Variants in CADM1 observed in about 807,000 individuals in gnomAD.
The protein encoded by CADM1 is TSLC-1.
In CADM1, 15 loss-of-function variants were observed where a neutral mutation model predicts 53.1. The ratio of observed to expected loss-of-function variants is 0.28; its 90% CI spans 0.19 to 0.44. The LOEUF is 0.44. Ranked by LOEUF, CADM1 falls within the 20% of genes least tolerant of loss-of-function variation. CADM1 has a pLI of 1.00. For synonymous variants in CADM1, 281 were observed against 243.0 expected (o/e 1.16, Z -1.45); for missense variants, 434 against 611.3 (o/e 0.71, Z 3.06).
intron 1 of CADM1, among the ~76,000 whole-genome samples, chr11:115,488,701 GCTAGAT>G (rs1949431050): frequency 6.6e-6 from 1 of 152,168 alleles, no homozygotes; most frequent in Non-Finnish European, 1.5e-5. Flanking sequence ...TCTGTTTAAA[GCTAGAT>G]CAGTTGTAGG....
At chr11:115,298,182 A>G (rs1433418137) in intron 1 of CADM1, among the ~76,000 whole-genome samples, 1 of 152,218 alleles carries the variant, frequency 6.6e-6, no homozygotes, top group Non-Finnish European at 1.5e-5. Flanking sequence ...ACCCTTCTGT[A>G]TTGGGCATGC....
intron 1 of CADM1, among the ~76,000 whole-genome samples, chr11:115,490,392 A>ATTTTTTTTTTTTTTTTTTT (rs35633504): frequency 1.8e-5 from 2 of 109,330 alleles, no homozygotes; most frequent in Non-Finnish European, 3.6e-5. Flanking sequence ...GGAAGAACAG[A>ATTTTTTTTTTTTTTTTTTT]TTTTTTTTTT....
At chr11:115,363,239 A>G (rs984198283) in intron 1 of CADM1, among the ~76,000 whole-genome samples, 4 of 152,158 alleles carry the variant, frequency 2.6e-5, no homozygotes, top group African/African-American at 7.2e-5. Context: ...CAAGCATTCA[A>G]GCACCAGTGA....
chr11:115,385,943 C>T (rs1946689704), intron 1 of CADM1, among the ~76,000 whole-genome samples: 2 of 152,212 alleles, frequency 1.3e-5, no homozygotes, highest in Admixed American at 1.3e-4. Context: ...TATTTCTTCC[C>T]TGCATTGGGA....
rs1483687860 is a variant in CADM1, at chr11:115,351,843, T to C, written c.125-111423A>G. 2.0e-5 allele frequency among the ~76,000 whole-genome samples: 3 copies of C among 152,130 alleles called. No homozygotes were observed. In the East Asian group the frequency reaches 5.8e-4, roughly 29 times the overall value. ...TCTTCCTGCACTGCTCCCAAGAAAG[T>C]AGTGAATGAAGTAGGCAAGACAAAG... On this transcript the variant is annotated intron_variant, in intron 1 of 11. Transcript: ENST00000331581.
intron 8 of CADM1, among the ~76,000 whole-genome samples, chr11:115,205,279 G>T (rs1431382492): frequency 6.6e-6 from 1 of 152,108 alleles, no homozygotes; most frequent in African/African-American, 2.4e-5. Flanking sequence ...CGCTAACTAG[G>T]AAGGGAAACA....
chr11:115,260,294 T>G lies in CADM1; in HGVS notation c.125-19874A>C, dbSNP rs77468229. On this transcript the variant is annotated intron_variant, in intron 1 of 11. Transcript: ENST00000331581. ...TTAGTCCCAGGACAGTCTCTAATGA[T>G]CCAATGTGCAGAGAGTAAGACAGGT... Among the ~76,000 whole-genome samples, 645 of 152,334 alleles carry G rather than the reference T, an allele frequency of 4.2e-3. 5 individuals carry two copies. Among genetic ancestry groups the G allele is most frequent in the African/African-American group, 0.014 (570 of 41,574 alleles).
intron 1 of CADM1, among the ~76,000 whole-genome samples, chr11:115,361,779 T>A (rs1591746913): frequency 6.6e-6 from 1 of 152,096 alleles, no homozygotes; most frequent in South Asian, 2.1e-4. Context: ...TAGGCTGGAG[T>A]GCAGTGGCAC....
At chr11:115,253,629 G>A (rs1219956229) in intron 1 of CADM1, among the ~76,000 whole-genome samples, 2 of 152,200 alleles carry the variant, frequency 1.3e-5, no homozygotes, top group Non-Finnish European at 2.9e-5. Flanking sequence ...ATGACTGACA[G>A]TAGTTACTGA....
At chr11:115,476,591 T>C (rs1949136906) in intron 1 of CADM1, among the ~76,000 whole-genome samples, 1 of 152,134 alleles carries the variant, frequency 6.6e-6, no homozygotes, top group Non-Finnish European at 1.5e-5. Flanking sequence ...GATCCTAGAA[T>C]TAAACATTCT....
chr11:115,187,522 C>T (rs972636321), intron 10 of CADM1, among the ~76,000 whole-genome samples: 4 of 152,160 alleles, frequency 2.6e-5, no homozygotes, highest in Non-Finnish European at 5.9e-5. Flanking sequence ...TCCACCTCCT[C>T]GTTCAAGCAA....
At chr11:115,295,520 A>G (rs1435730614) in intron 1 of CADM1, among the ~76,000 whole-genome samples, 50 of 71,034 alleles carry the variant, frequency 7.0e-4, no homozygotes, top group Non-Finnish European at 8.5e-4. Context: ...ATATATATAT[A>G]TATATATATA....
intron 3 of CADM1, 30 bp from the exon 4 acceptor site, chr11:115,231,520 C>T: frequency 6.2e-7 from 1 of 1,607,654 alleles, no homozygotes; most frequent in Non-Finnish European, 8.5e-7. Context: ...GCTTTATAAA[C>T]ACAGAATGCA....
intron 1 of CADM1, among the ~76,000 whole-genome samples, chr11:115,248,011 A>G (rs541549710): frequency 6.6e-6 from 1 of 152,330 alleles, no homozygotes; most frequent in East Asian, 1.9e-4. Context: ...CTGCAAGAAG[A>G]GTTATTTCTG....
At chr11:115,491,948 G>A (rs1949506948) in intron 1 of CADM1, among the ~76,000 whole-genome samples, 3 of 152,296 alleles carry the variant, frequency 2.0e-5, no homozygotes, top group South Asian at 4.1e-4. Context: ...ACCTGTAATG[G>A]GGTGAGGGGC....
At chr11:115,340,654 ATATATTT>A (rs1210076368) in intron 1 of CADM1, among the ~76,000 whole-genome samples, 2 of 52,670 alleles carry the variant, frequency 3.8e-5, no homozygotes, top group African/African-American at 8.8e-5. Flanking sequence ...ATATATATAT[ATATATTT>A]TTTTTTTTTT....
chr11:115,436,912 T>C (rs539788817), intron 1 of CADM1, among the ~76,000 whole-genome samples: 64 of 152,328 alleles, frequency 4.2e-4, no homozygotes, highest in African/African-American at 1.5e-3. Flanking sequence ...TTAATCTGAT[T>C]TGAACTCTGT....
At chr11:115,501,063 C>A (rs777143272) in intron 1 of CADM1, among the ~76,000 whole-genome samples, 33 of 152,184 alleles carry the variant, frequency 2.2e-4, no homozygotes, top group Non-Finnish European at 2.9e-4. Context: ...TTTATTCCCC[C>A]CCTTTTTCGT....
chr11:115,175,548 G>A lies in CADM1; in HGVS notation c.*926C>T. ...TTCCCCCCTCCCTACTTCCCCTCCT[G>A]TGGCAACTCAAAATTTGTCCACTTA... On this transcript the variant is annotated 3_prime_UTR_variant, in exon 12 of 12. Transcript: ENST00000331581. 1.0e-6 allele frequency: 1 copy of A among 985,356 alleles called. No individual in the cohort carries two copies. Among genetic ancestry groups the A allele is most frequent in the Non-Finnish European group, 1.2e-6 (1 of 829,962 alleles). The allele number at this position is 985,356 out of a possible 1,614,324, so 61.0% of individuals were successfully genotyped here.
Sources: allele counts gnomAD v4.1 joint callset (sites outside exome capture counted in the v4.1 genomes callset), GRCh38; gene constraint gnomAD v4.1.1; transcripts MANE v1.5; gene names NCBI Gene and HGNC (gene_info 2026-07-23, HGNC 2026-07-21).